AEN: variants seen among roughly 807,000 people sequenced by gnomAD.
AEN encodes the protein apoptosis-enhancing nuclease.
Under a neutral mutation model 17.7 loss-of-function variants are expected in AEN, and 21 were observed. The ratio of observed to expected loss-of-function variants is 1.19; its 90% confidence interval spans 0.84 to 1.71. AEN has a LOEUF of 1.71. Among genes scored for constraint, AEN ranks in the 40% most tolerant of loss-of-function variants. The pLI, the probability that AEN is intolerant of heterozygous loss-of-function variation, is 0.00. For missense variants in AEN, 462 were observed against 435.9 expected (o/e 1.06, Z -0.53); for synonymous variants, 190 against 173.0 (o/e 1.10, Z -0.77).
chr15:88,626,422 G>A lies in AEN; in HGVS notation c.213G>A (p.Ala71=), dbSNP rs34649587. 0.041 allele frequency: 66,040 copies of A among 1,612,866 alleles called. 1,583 individuals carry two copies. Among genetic ancestry groups the A allele is most frequent in the South Asian group, 0.069 (6,283 of 91,020 alleles). The part of the protein sequence containing the change: ...SSPLPTPFGA[A]TATEAASSGK... The stretch of plus-strand genomic sequence containing the variant: ...CACTGCCCACCCCTTTCGGGGCAGC[G>A]ACAGCAACTGAAGCTGCCAGCAGTG... Residue 71 remains alanine (A), a synonymous_variant, in exon 2 of 4, where the codon GCG becomes GCA. Coordinates refer to ENST00000332810, the MANE Select transcript of AEN (RefSeq NM_022767.4).
At position 88,630,892 on chromosome 15, in the gene AEN, AGCCATTGTAGGAACTCCGT is replaced by A. The variant is rs2057919715; in HGVS notation, c.*602_*620del. 3.4e-6 allele frequency: 1 copy of A among 294,814 alleles called. No individual in the cohort carries two copies. The highest frequency in any genetic ancestry group is 2.9e-5 in the South Asian group (1 of 34,078). The allele number at this position is 294,814 out of a possible 1,614,324, so 18.3% of individuals were successfully genotyped here. On this transcript the variant is annotated 3_prime_UTR_variant, in exon 4 of 4. Coordinates refer to ENST00000332810, the MANE Select transcript of AEN (RefSeq NM_022767.4). The surrounding 1 kb of genome is among the most constrained non-coding windows in gnomAD (Gnocchi z 5.1). ...CTCCCTGACCTGGAACTCTGGCTAC[AGCCATTGTAGGAACTCCGT>A]GCCTGGCCTGTCAGCTCCCTGCTAG...
At position 88,630,334 on chromosome 15, in the gene AEN, C is replaced by CGGTA. The variant is rs1567106842; in HGVS notation, c.*43_*46dup. The CGGTA allele has an allele frequency of 6.5e-7, 1 of 1,538,634 alleles. No homozygotes were observed. Among genetic ancestry groups the CGGTA allele is most frequent in the Admixed American group, 2.0e-5 (1 of 51,126 alleles). ...TCCCTGGCTGGGCTTCCGGTGTGGC[C>CGGTA]GGTAGGAAGTGGGGGCCAGGAGAGC... On this transcript the variant is annotated 3_prime_UTR_variant, in exon 4 of 4. Transcript: ENST00000332810. This position sits in a 1 kb window ranked among gnomAD's most constrained non-coding sequence, Gnocchi z 5.1.
chr15:88,609,571 A>C, the AEN span, among the ~76,000 whole-genome samples: 1 of 152,202 alleles, frequency 6.6e-6, no homozygotes, highest in African/African-American at 2.4e-5. Flanking sequence ...CCATGGAAAC[A>C]AGCGTTGCTA....
Position 88,626,715 on chromosome 15 carries a change from G to C in AEN, c.506G>C (p.Arg169Pro). ...AGTGGCATCACTCGGCAGCACATGCGCAAGGCTGTCCCCTTCCAGGTGGCC... is the reference window on the plus strand; with the variant it reads ...AGTGGCATCACTCGGCAGCACATGCCCAAGGCTGTCCCCTTCCAGGTGGCC... The part of the protein sequence containing the change: ...RWSGITRQHM[R>P]KAVPFQVAQK... Residue 169 changes from arginine to proline, a missense_variant, in exon 2 of 4, where the codon CGC becomes CCC. Physicochemically the swap from Arg to Pro is moderately radical, Grantham distance 103. Transcript: ENST00000332810. 1 of 1,612,030 alleles carries C rather than the reference G, an allele frequency of 6.2e-7. No homozygotes were observed. Among genetic ancestry groups the C allele is most frequent in the Non-Finnish European group, 8.5e-7 (1 of 1,180,024 alleles).
chr15:88,608,510 A>C, the AEN span, among the ~76,000 whole-genome samples: 129 of 152,308 alleles, frequency 8.5e-4, no homozygotes, highest in African/African-American at 3.0e-3. Flanking sequence ...AAAAATAGAT[A>C]ATTGGTCCTC....
At chr15:88,611,706 T>A in the AEN span, 4,259 of 303,790 alleles carry the variant, frequency 0.014, 100 homozygotes, top group African/African-American at 0.051. Flanking sequence ...TGAGGAGAGG[T>A]GTTCAAAGAT....
At chr15:88,619,786 C>G (rs1396601352), upstream of AEN, among the ~76,000 whole-genome samples, 2 of 152,136 alleles carry the variant, frequency 1.3e-5, no homozygotes, top group Non-Finnish European at 2.9e-5. Context: ...ACCCCTTCCC[C>G]TCTGCTCTCT....
the AEN span, among the ~76,000 whole-genome samples, chr15:88,608,874 A>G: frequency 1.3e-5 from 2 of 152,242 alleles, no homozygotes; most frequent in East Asian, 3.8e-4. Context: ...ACTGGAGATT[A>G]TCCCAGTCCT....
Position 88,631,132 on chromosome 15 carries a change from T to C in AEN, c.*838T>C, listed in dbSNP as rs751595016. The C allele has an allele frequency of 1.8e-5, 8 of 456,590 alleles. No individual in the cohort carries two copies. The highest frequency in any genetic ancestry group is 2.6e-5 in the Non-Finnish European group (6 of 226,972). The allele number at this position is 456,590 out of a possible 1,614,324, so 28.3% of individuals were successfully genotyped here. A position where few individuals can be genotyped will look rare whatever the true frequency, so the allele number is the denominator to read the frequency against. On this transcript the variant is annotated 3_prime_UTR_variant, in exon 4 of 4. Transcript: ENST00000332810. ...CCAGTACTGGGCTCTTAAGCAAAAG[T>C]CTGAGAAACAAGACAGTGGTTTGAA...
the AEN span, among the ~76,000 whole-genome samples, chr15:88,614,540 A>G: frequency 3.3e-5 from 5 of 152,124 alleles, no homozygotes; most frequent in African/African-American, 1.2e-4. Context: ...TGGAGTCTCA[A>G]CACAAAAACC....
rs2057917171 is a variant in AEN at position 88,630,691 on chromosome 15, G to C, written c.*397G>C. ...GAAAGGGATCATATCATCCTCTCTGGGGATGGTGGGTGGGGGTGTCAATAT... is the reference window on the plus strand; with the variant it reads ...GAAAGGGATCATATCATCCTCTCTGCGGATGGTGGGTGGGGGTGTCAATAT... On this transcript the variant is annotated 3_prime_UTR_variant, in exon 4 of 4. Transcript: ENST00000332810. This position sits in a 1 kb window ranked among gnomAD's most constrained non-coding sequence, Gnocchi z 5.1. 4.3e-6 allele frequency: 1 copy of C among 231,540 alleles called. No homozygotes were observed. The highest frequency in any genetic ancestry group is 1.0e-4 in the East Asian group (1 of 9,922). The allele number at this position is 231,540 out of a possible 1,614,324, so 14.3% of individuals were successfully genotyped here.
At chr15:88,615,645 C>CGT in the AEN span, among the ~76,000 whole-genome samples, 3 of 152,174 alleles carry the variant, frequency 2.0e-5, no homozygotes, top group East Asian at 3.9e-4. Flanking sequence ...CTTAATCCTA[C>CGT]CCCTTGACTT....
chr15:88,619,456 A>G (rs543643909), upstream of AEN, among the ~76,000 whole-genome samples: 527 of 152,272 alleles, frequency 3.5e-3, 3 homozygotes, highest in African/African-American at 0.012. Flanking sequence ...TTGAGAGGCC[A>G]AGGTGGGTGG....
Position 88,626,579 on chromosome 15 carries a change from G to A in AEN, c.370G>A (p.Gly124Arg). 2 of 1,614,160 alleles carry A rather than the reference G, an allele frequency of 1.2e-6. No homozygotes were observed. The highest frequency in any genetic ancestry group is 1.7e-6 in the Non-Finnish European group (2 of 1,180,050). Reference sequence around the variant, plus strand: ...TGAGATGGTGGGCACGGGACCCCGAGGGCGGGTAAGCGAGCTGGCCCGCTG... The same window carrying A: ...TGAGATGGTGGGCACGGGACCCCGAAGGCGGGTAAGCGAGCTGGCCCGCTG... ...DCEMVGTGPR[G>R]RVSELARCSI... The change falls in exon 2 of 4, where the codon GGG becomes AGG. Residue 124 changes from glycine (G) to arginine (R), a missense_variant. Transcript: ENST00000332810.
the AEN span, among the ~76,000 whole-genome samples, chr15:88,610,648 T>G: frequency 2.0e-5 from 3 of 151,918 alleles, no homozygotes; most frequent in African/African-American, 7.3e-5. Context: ...AGCGTCTCCA[T>G]CACCAGGCAA....
intron 3 of AEN, 96 bp from the exon 4 acceptor site, chr15:88,629,962 C>A: frequency 1.8e-6 from 2 of 1,123,656 alleles, no homozygotes; most frequent in Non-Finnish European, 1.3e-6. Context: ...TATTCTTGGG[C>A]CTGCACAAAG....
chr15:88,626,957 G>GAC, intron 2 of AEN: 1 of 598,878 alleles, frequency 1.7e-6, no homozygotes, highest in South Asian at 2.0e-5. Flanking sequence ...CTGGCCTGTT[G>GAC]CACAGGACAA....
chr15:88,625,359 T>C (rs2057838144), intron 1 of AEN, among the ~76,000 whole-genome samples: 1 of 151,830 alleles, frequency 6.6e-6, no homozygotes, highest in South Asian at 2.1e-4. Flanking sequence ...CTACTAAAAA[T>C]ACAAAAAAAG....
chr15:88,611,681 C>A, the AEN span: 1 of 290,962 alleles, frequency 3.4e-6, no homozygotes, highest in Non-Finnish European at 7.0e-6. Context: ...ATAATTTCTC[C>A]AGGGAATTCT....
Sources: gnomAD v4.1 joint callset for allele counts (sites outside exome capture counted in the v4.1 genomes callset) on GRCh38, gnomAD v4.1.1 for gene constraint, Gnocchi (gnomAD v3.1) non-coding constraint, MANE v1.5 for transcripts, NCBI Gene and HGNC (gene_info 2026-07-23, HGNC 2026-07-21) for gene names.